The following VPS13B variants were observed in gnomAD, a reference collection of about 807,000 sequenced individuals.
VPS13B encodes intermembrane lipid transfer protein VPS13B.
VPS13B carries 285 observed loss-of-function variants against 426.4 expected under a neutral mutation model. That is an observed-to-expected ratio of 0.67 (90% CI 0.61 to 0.74). The LOEUF is 0.74. VPS13B is among the 30% of genes least tolerant of loss of function. VPS13B has a pLI of 0.00. For synonymous variants in VPS13B, 1,676 were observed against 1,676.4 expected (o/e 1.00, Z 0.01); for missense variants, 4,537 against 4,782.6 (o/e 0.95, Z 1.51).
Position 99,051,501 on chromosome 8 carries a change from T to C in VPS13B, c.291+12935T>C, listed in dbSNP as rs528366887. On this transcript the variant is annotated intron_variant, in intron 3 of 61. Coordinates refer to ENST00000357162, the MANE Select transcript of VPS13B (RefSeq NM_152564.5). ...TTTGTTCTTTTGGCTTAGGATTGAC[T>C]TGGCAGTGCAGGCTCTTTTTTGGTT... Among the ~76,000 whole-genome samples the C allele has an allele frequency of 1.3e-4, 20 of 152,022 alleles. 1 individual carries two copies. The East Asian group carries it at 3.3e-3, about 25-fold the overall frequency.
At chr8:99,675,153 TC>T (rs1830879248) in intron 35 of VPS13B, among the ~76,000 whole-genome samples, 1 of 152,118 alleles carries the variant, frequency 6.6e-6, no homozygotes, top group Non-Finnish European at 1.5e-5. Context: ...CTTTTGTTTG[TC>T]CAGGAAAGTT....
intron 19 of VPS13B, among the ~76,000 whole-genome samples, chr8:99,370,988 A>G (rs1813148899): frequency 6.6e-6 from 1 of 152,200 alleles, no homozygotes. Flanking sequence ...CAGAAGAAAA[A>G]TAACTCACCA....
chr8:99,294,461 A>G (rs1362397232), intron 19 of VPS13B, among the ~76,000 whole-genome samples: 1 of 148,342 alleles, frequency 6.7e-6, no homozygotes, highest in East Asian at 2.0e-4. Context: ...TAGTGGGTGC[A>G]GCGCACCAGC....
intron 23 of VPS13B, 28 bp downstream of exon 23, chr8:99,442,663 T>C (rs1020748196): frequency 6.3e-7 from 1 of 1,597,184 alleles, no homozygotes; most frequent in Admixed American, 1.7e-5. Context: ...TTTCCTATGG[T>C]TAATGTTTTA....
At chr8:99,285,481 G>C (rs562207550) in intron 19 of VPS13B, among the ~76,000 whole-genome samples, 57 of 152,154 alleles carry the variant, frequency 3.7e-4, no homozygotes, top group Non-Finnish European at 8.1e-4. Context: ...AAGTATTCGG[G>C]TTGTATACTG....
rs1232917163 is a variant in VPS13B, at chr8:99,776,880, C to T, written c.7353C>T (p.Val2451=). The change falls in exon 41 of 62, where the codon GTC becomes GTT. Residue 2451 remains valine (V), a synonymous_variant. Transcript: ENST00000357162. ...RVDSCFTPWF[V]PSLCVSFQFA... ...ACTCCTGCTTTACCCCATGGTTTGT[C>T]CCATCCCTTTGCGTTTCTTTCCAGT... 1 of 1,614,054 alleles carries T rather than the reference C, an allele frequency of 6.2e-7. No individual in the cohort carries two copies. Among genetic ancestry groups the T allele is most frequent in the Non-Finnish European group, 8.5e-7 (1 of 1,179,970 alleles).
rs574136458 is a variant in VPS13B at position 99,207,667 on chromosome 8, T to C, written c.2515+14610T>C. 9.2e-5 allele frequency among the ~76,000 whole-genome samples: 14 copies of C among 152,338 alleles called. No individual in the cohort carries two copies. In the South Asian group the frequency reaches 2.7e-3, roughly 29 times the overall value. On this transcript the variant is annotated intron_variant, in intron 17 of 61. Transcript: ENST00000357162. ...TCATAAAAATGTGTCAATAAATTAC[T>C]GTTGATAATAAAATATTAATAGATA...
chr8:99,313,594 C>T (rs1226955339), intron 19 of VPS13B, among the ~76,000 whole-genome samples: 1 of 152,126 alleles, frequency 6.6e-6, no homozygotes, highest in African/African-American at 2.4e-5. Context: ...GGGTGCCTCC[C>T]AGTTAGGGTA....
chr8:99,553,147 A>T (rs945486281), intron 30 of VPS13B, among the ~76,000 whole-genome samples: 1 of 152,142 alleles, frequency 6.6e-6, no homozygotes, highest in African/African-American at 2.4e-5. Flanking sequence ...GATTTAGCAG[A>T]AAACCTTAGA....
chr8:99,509,947 A>G (rs1002524130), intron 28 of VPS13B, among the ~76,000 whole-genome samples: 4 of 152,158 alleles, frequency 2.6e-5, no homozygotes, highest in African/African-American at 9.6e-5. Flanking sequence ...TAACTTGTTT[A>G]TAGTGTGCAA....
chr8:99,719,622 T>A (rs952470682), intron 37 of VPS13B, among the ~76,000 whole-genome samples: 1 of 152,184 alleles, frequency 6.6e-6, no homozygotes, highest in African/African-American at 2.4e-5. Context: ...AAAATTAACA[T>A]TTTTGAAAGT....
intron 6 of VPS13B, among the ~76,000 whole-genome samples, chr8:99,113,756 G>C (rs772596402): frequency 2.0e-5 from 3 of 151,658 alleles, no homozygotes; most frequent in Non-Finnish European, 4.4e-5. Context: ...GTAGAGACAG[G>C]GTTTTGCCCT....
At chr8:99,353,309 T>C (rs556996986) in intron 19 of VPS13B, among the ~76,000 whole-genome samples, 1 of 152,154 alleles carries the variant, frequency 6.6e-6, no homozygotes, top group Non-Finnish European at 1.5e-5. Context: ...TAGTCAACCA[T>C]GTATCAGTCC....
At chr8:99,310,157 A>G (rs1186115873) in intron 19 of VPS13B, among the ~76,000 whole-genome samples, 3 of 152,138 alleles carry the variant, frequency 2.0e-5, no homozygotes, top group African/African-American at 7.2e-5. Context: ...CTCTTTTCCT[A>G]ATTGAATACC....
intron 61 of VPS13B, 54 bp downstream of exon 61, chr8:99,871,751 G>T: frequency 1.9e-6 from 3 of 1,610,396 alleles, no homozygotes; most frequent in Non-Finnish European, 2.5e-6. Context: ...AGGTTGAGGA[G>T]CAGGCTGGTC....
chr8:99,729,458 G>A (rs1833498021), intron 39 of VPS13B, among the ~76,000 whole-genome samples: 1 of 152,142 alleles, frequency 6.6e-6, no homozygotes, highest in South Asian at 2.1e-4. Context: ...ATGTAGGTTA[G>A]GCAAGGTCCT....
chr8:99,353,391 AT>A (rs1246401294), intron 19 of VPS13B, among the ~76,000 whole-genome samples: 4 of 152,222 alleles, frequency 2.6e-5, no homozygotes, highest in African/African-American at 9.6e-5. Context: ...ACTGAAACTT[AT>A]GTGGTGAAAC....
chr8:99,174,068 T>C (rs1027323820), intron 16 of VPS13B, among the ~76,000 whole-genome samples: 1 of 152,188 alleles, frequency 6.6e-6, no homozygotes, highest in Non-Finnish European at 1.5e-5. Flanking sequence ...AATCATTCCA[T>C]ATTTGTCATT....
At chr8:99,818,326 A>G in intron 45 of VPS13B, 125 bp from the exon 46 acceptor site, 1 of 1,035,774 alleles carries the variant, frequency 9.7e-7, no homozygotes, top group Non-Finnish European at 1.4e-6. Flanking sequence ...GTTTTTTTTA[A>G]TAATGGCTTT....
Sources: gnomAD v4.1 joint callset for allele counts (sites outside exome capture counted in the v4.1 genomes callset) on GRCh38, gnomAD v4.1.1 for gene constraint, MANE v1.5 for transcripts, NCBI Gene and HGNC (gene_info 2026-07-23, HGNC 2026-07-21) for gene names.